The following SASH1 variants were observed in gnomAD, a reference collection of about 807,000 sequenced individuals.
SASH1 encodes SAM and SH3 domain containing 1.
Under a neutral mutation model 125.2 loss-of-function variants are expected in SASH1, and 44 were observed. The ratio of observed to expected loss-of-function variants is 0.35; its 90% confidence interval spans 0.28 to 0.45. The LOEUF is 0.45. Among genes scored for constraint, SASH1 ranks in the 20% least tolerant of loss-of-function variants. SASH1 has a pLI of 1.00. For synonymous variants in SASH1, 639 were observed against 649.1 expected, an observed-to-expected ratio of 0.98 and a Z score of 0.24; for missense variants, 1,426 against 1,614.5, an observed-to-expected ratio of 0.88 and a Z score of 2.00.
the SASH1 span, among the ~76,000 whole-genome samples, chr6:148,262,214 T>A: frequency 6.6e-6 from 1 of 151,998 alleles, no homozygotes; most frequent in African/African-American, 2.4e-5. Context: ...TGCTGTAGAG[T>A]GCGGTGGTCT....
chr6:148,336,571 T>G (rs1582981940), intron 1 of SASH1, among the ~76,000 whole-genome samples: 1 of 152,312 alleles, frequency 6.6e-6, no homozygotes, highest in South Asian at 2.1e-4. Flanking sequence ...TTTCATGGAC[T>G]TGACAGCTCT....
At chr6:148,224,202 G>A in the SASH1 span, among the ~76,000 whole-genome samples, 1 of 152,014 alleles carries the variant, frequency 6.6e-6, no homozygotes, top group Admixed American at 6.6e-5. Context: ...AGGCTGAGGC[G>A]GGAGGATCAC....
intron 11 of SASH1, among the ~76,000 whole-genome samples, chr6:148,526,581 A>G (rs1781172768): frequency 6.6e-6 from 1 of 152,162 alleles, no homozygotes; most frequent in African/African-American, 2.4e-5. Context: ...TCTGCTGTCA[A>G]TCTTTTTTAG....
Position 148,343,168 on chromosome 6 carries a change from G to C in SASH1, c.101G>C (p.Gly34Ala). 2 of 1,600,380 alleles carry C rather than the reference G, an allele frequency of 1.2e-6. No homozygotes were observed. Among genetic ancestry groups the C allele is most frequent in the Non-Finnish European group, 1.7e-6 (2 of 1,179,244 alleles). ...GAGCCGGAACCGGAGCCCAAGCCGG[G>C]TGCTGGCACATCCGAGGCGTTCTCC... ...APEPEPEPKPGAGTSEAFSRL... is the reference protein window; with the variant it reads ...APEPEPEPKPAAGTSEAFSRL... Residue 34 changes from glycine to alanine, a missense_variant, in exon 1 of 20, where the codon GGT (glycine) becomes GCT (alanine). By Grantham distance (60) the Gly-to-Ala change is moderately conservative (BLOSUM62 0). Transcript: ENST00000367467.
At chr6:148,356,494 CTTTTTT>C (rs57183555) in intron 1 of SASH1, among the ~76,000 whole-genome samples, 58,956 of 116,886 alleles carry the variant, frequency 0.5, 13,563 homozygotes, top group South Asian at 0.58. Flanking sequence ...ACTTTTAGTT[CTTTTTT>C]TTTTTTTTTT....
chr6:148,484,254 T>TA (rs915337480), intron 7 of SASH1, among the ~76,000 whole-genome samples: 12 of 152,260 alleles, frequency 7.9e-5, no homozygotes, highest in South Asian at 2.1e-4. Flanking sequence ...GCCATCATTC[T>TA]AAAAAAATCA....
In SASH1 at chr6:148,474,312, A is replaced by C; in HGVS notation, c.627+90A>C. 6 of 708,114 alleles carry C rather than the reference A, an allele frequency of 8.5e-6. No homozygotes were observed. In the South Asian group the frequency reaches 1.0e-4, roughly 12 times the overall value. The allele number at this position is 708,114 out of a possible 1,614,324, so 43.9% of individuals were successfully genotyped here. The stretch of plus-strand genomic sequence containing the variant: ...GCGGCCAACAAGGGGTATAGGAATC[A>C]GGTACCCATGTTGTCAGATAAAATA... On this transcript the variant is annotated intron_variant, in intron 7 of 19. Coordinates refer to ENST00000367467, the MANE Select transcript of SASH1 (RefSeq NM_015278.5).
chr6:148,511,901 C>T (rs1285040891), intron 8 of SASH1, among the ~76,000 whole-genome samples: 1 of 152,160 alleles, frequency 6.6e-6, no homozygotes, highest in African/African-American at 2.4e-5. Flanking sequence ...AACCAGCAAA[C>T]TAGGTATGAG....
rs148392953 is a variant in SASH1 at position 148,314,484 on chromosome 6, T to G, written n.74+42107T>G. Among the ~76,000 whole-genome samples the G allele has an allele frequency of 1.4e-3, 216 of 152,296 alleles. 1 individual carries two copies. Among genetic ancestry groups the G allele is most frequent in the Admixed American group, 9.4e-3 (144 of 15,292 alleles). On this transcript the variant is annotated intron_variant and non_coding_transcript_variant, in intron 1 of 3. Transcript: ENST00000367469. ...GATTTGAAAACAATTTATATGGTAA[T>G]GAGGAATTTACTGAGCCCGCTGAAT...
At chr6:148,214,289 C>T in the SASH1 span, among the ~76,000 whole-genome samples, 1 of 152,150 alleles carries the variant, frequency 6.6e-6, no homozygotes, top group East Asian at 1.9e-4. Flanking sequence ...GTACAAAATG[C>T]TTATATGCCC....
chr6:148,429,101 T>C (rs1775947731), intron 2 of SASH1, among the ~76,000 whole-genome samples: 1 of 152,236 alleles, frequency 6.6e-6, no homozygotes, highest in Non-Finnish European at 1.5e-5. Flanking sequence ...CTTATGTATC[T>C]AGGTTGTAGA....
At chr6:148,474,016 T>G in intron 6 of SASH1, 94 bp from the exon 7 acceptor site, 3 of 811,714 alleles carry the variant, frequency 3.7e-6, no homozygotes, top group Non-Finnish European at 6.2e-6. Context: ...TGAGCAACAT[T>G]CTTCTCTAGC....
At chr6:148,360,636 A>ACCC (rs67278438) in intron 1 of SASH1, among the ~76,000 whole-genome samples, 1,844 of 127,080 alleles carry the variant, frequency 0.015, 52 homozygotes, top group East Asian at 0.039. Flanking sequence ...GGCGTGAGCC[A>ACCC]CCCCCCCGCC....
In SASH1 at chr6:148,544,472, ACCCTGTTCCCATGGG is replaced by A. The variant is rs1252447112; in HGVS notation, c.3006_3020del (p.Val1003_Pro1007del). 6.2e-7 allele frequency: 1 copy of A among 1,613,918 alleles called. No individual in the cohort carries two copies. The highest frequency in any genetic ancestry group is 1.7e-5 in the Admixed American group (1 of 60,000). On this transcript the variant is annotated inframe_deletion, in exon 18 of 20. Coordinates refer to ENST00000367467, the MANE Select transcript of SASH1 (RefSeq NM_015278.5). This position sits in a 1 kb window ranked among gnomAD's most constrained non-coding sequence, Gnocchi z 6.4. ...AGAGAACGCCTTGCTAACGGACTCC[ACCCTGTTCCCATGGG>A]CCCCAGTGGGGCCCTCCCCAGTCCC...
chr6:148,221,350 C>T, the SASH1 span, among the ~76,000 whole-genome samples: 5 of 152,102 alleles, frequency 3.3e-5, no homozygotes, highest in Admixed American at 3.3e-4. Flanking sequence ...CATGACAGAG[C>T]CTCAACAGAG....
intron 1 of SASH1, among the ~76,000 whole-genome samples, chr6:148,382,360 G>C (rs1002169935): frequency 1.1e-4 from 16 of 152,108 alleles, no homozygotes; most frequent in South Asian, 4.1e-4. Flanking sequence ...TGCCATCTTG[G>C]CTCACTGCAA....
chr6:148,313,120 G>A (rs994816421), intron 1 of SASH1, among the ~76,000 whole-genome samples: 6 of 152,216 alleles, frequency 3.9e-5, no homozygotes, highest in African/African-American at 1.4e-4. Context: ...CTTGGGCACA[G>A]ATATTGTAGA....
At chr6:148,509,608 C>T (rs1780002615) in intron 8 of SASH1, among the ~76,000 whole-genome samples, 1 of 152,156 alleles carries the variant, frequency 6.6e-6, no homozygotes, top group South Asian at 2.1e-4. Flanking sequence ...AGCATATTGC[C>T]ATTGTGCTTG....
chr6:148,362,118 G>C (rs939296950), intron 1 of SASH1, among the ~76,000 whole-genome samples: 1 of 151,350 alleles, frequency 6.6e-6, no homozygotes, highest in African/African-American at 2.4e-5. Flanking sequence ...TAGTAGAGAC[G>C]GGGTTTCTCC....
Sources: gnomAD v4.1 joint callset for allele counts (sites outside exome capture counted in the v4.1 genomes callset) on GRCh38, gnomAD v4.1.1 for gene constraint, Gnocchi (gnomAD v3.1) non-coding constraint, MANE v1.5 for transcripts, NCBI Gene and HGNC (gene_info 2026-07-23, HGNC 2026-07-21) for gene names.